EYA4: variants seen among roughly 807,000 people sequenced by gnomAD.
EYA4 encodes EYA transcriptional coactivator and phosphatase 4, also known as protein phosphatase EYA4.
Under a neutral mutation model 87.9 loss-of-function variants are expected in EYA4, and 31 were observed. That is an observed-to-expected ratio of 0.35 (90% CI 0.27 to 0.48). The LOEUF (loss-of-function observed/expected upper bound fraction) is 0.48, where lower values mean the gene tolerates loss of function less well. Ranked by LOEUF, EYA4 falls within the 20% of genes least tolerant of loss-of-function variation. The pLI is 0.99. For missense variants in EYA4, 678 were observed against 761.4 expected (o/e 0.89, Z 1.29); for synonymous variants, 263 against 270.6 (o/e 0.97, Z 0.28).
At chr6:133,382,307 G>T in intron 2 of EYA4, 85 bp from the exon 3 acceptor site, 1 of 931,310 alleles carries the variant, frequency 1.1e-6, no homozygotes, top group South Asian at 1.3e-5. Flanking sequence ...TTGGTGAACA[G>T]AGCTATATCC....
chr6:133,512,742 G>A lies in EYA4; in HGVS notation c.1303G>A (p.Asp435Asn). The A allele has an allele frequency of 4.3e-6, 7 of 1,612,828 alleles. No individual in the cohort carries two copies. The highest frequency in any genetic ancestry group is 5.1e-6 in the Non-Finnish European group (6 of 1,178,804). ...ACAGGAGTGTGATCAAGTTCATATA[G>A]ATGATGTTTCCTCTGATGATAATGG... is the stretch of plus-strand genomic sequence containing the variant. The part of the protein sequence containing the change: ...DLEECDQVHI[D>N]DVSSDDNGQD... The change falls in exon 15 of 20, where the codon GAT becomes AAT. Residue 435 changes from aspartate to asparagine, a missense_variant. Physicochemically the swap from Asp to Asn is conservative, Grantham distance 23. Transcript: ENST00000355286.
chr6:133,248,153 T>G (rs1040498813), intron 1 of EYA4: 4 of 152,202 alleles, frequency 2.6e-5, no homozygotes, highest in Non-Finnish European at 5.9e-5. Flanking sequence ...GTTGACTTTA[T>G]TAATTAGAAC....
At chr6:133,373,799 T>C (rs1464082426) in intron 2 of EYA4, among the ~76,000 whole-genome samples, 2 of 152,068 alleles carry the variant, frequency 1.3e-5, no homozygotes, top group East Asian at 3.8e-4. Context: ...AAAAATTCTT[T>C]TAGCGCTTAT....
At chr6:133,328,185 G>A (rs1168721337) in intron 2 of EYA4, among the ~76,000 whole-genome samples, 1 of 152,100 alleles carries the variant, frequency 6.6e-6, no homozygotes, top group Non-Finnish European at 1.5e-5. Flanking sequence ...AAATAGTTCA[G>A]TGAAGAATCA....
At chr6:133,525,971 C>A in intron 19 of EYA4, 1 of 968,704 alleles carries the variant, frequency 1.0e-6, no homozygotes, top group Non-Finnish European at 1.2e-6. Context: ...TGAAGCCAAG[C>A]AGCTGGCTTT....
chr6:133,307,142 A>T (rs1779870095), intron 2 of EYA4, among the ~76,000 whole-genome samples: 1 of 152,344 alleles, frequency 6.6e-6, no homozygotes, highest in Middle Eastern at 3.4e-3. Flanking sequence ...GGCGAGTTTC[A>T]TTAGGAGCCT....
At chr6:133,479,598 TAAA>T (rs1435529745) in intron 11 of EYA4, among the ~76,000 whole-genome samples, 1 of 152,170 alleles carries the variant, frequency 6.6e-6, no homozygotes, top group African/African-American at 2.4e-5. Context: ...AATTTAATGA[TAAA>T]AAATAATAGC....
At chr6:133,415,985 A>G (rs949737170) in intron 3 of EYA4, among the ~76,000 whole-genome samples, 1 of 152,230 alleles carries the variant, frequency 6.6e-6, no homozygotes, top group African/African-American at 2.4e-5. Flanking sequence ...TCCCTTAAGG[A>G]TAAGTTGGAG....
chr6:133,422,857 G>T (rs1268653825), intron 3 of EYA4, among the ~76,000 whole-genome samples: 1 of 152,136 alleles, frequency 6.6e-6, no homozygotes, highest in Non-Finnish European at 1.5e-5. Flanking sequence ...TGACTTGGCT[G>T]GCCCTGTAAG....
Position 133,529,438 on chromosome 6 carries a change from G to C in EYA4, c.*633G>C. The C allele has an allele frequency of 1.0e-6, 1 of 988,924 alleles. No individual in the cohort carries two copies. Among genetic ancestry groups the C allele is most frequent in the Non-Finnish European group, 1.2e-6 (1 of 832,138 alleles). The allele number at this position is 988,924 out of a possible 1,614,324, so 61.3% of individuals were successfully genotyped here. ...CTTTTTTAAGTTTGGCAAACAGAAT[G>C]TTCATACTGATGTGTTGTGCCTTAA... On this transcript the variant is annotated 3_prime_UTR_variant, in exon 20 of 20. Coordinates refer to ENST00000355286, the MANE Select transcript of EYA4 (RefSeq NM_004100.5).
intron 10 of EYA4, among the ~76,000 whole-genome samples, chr6:133,466,012 C>T (rs1466466513): frequency 2.6e-5 from 4 of 151,908 alleles, no homozygotes; most frequent in Admixed American, 2.0e-4. Flanking sequence ...TTTATTGGTC[C>T]AGCAAGCATT....
chr6:133,329,547 A>G (rs533954062), intron 2 of EYA4, among the ~76,000 whole-genome samples: 1 of 152,272 alleles, frequency 6.6e-6, no homozygotes, highest in East Asian at 1.9e-4. Flanking sequence ...AGTTAATACA[A>G]AAATCTCAGA....
chr6:133,506,374 T>A, intron 14 of EYA4, 179 bp downstream of exon 14: 1 of 533,748 alleles, frequency 1.9e-6, no homozygotes, highest in Admixed American at 3.1e-5. Context: ...TAATTTGTGT[T>A]CATGAATAAT....
intron 2 of EYA4, among the ~76,000 whole-genome samples, chr6:133,321,999 C>T (rs1055827333): frequency 6.6e-6 from 1 of 152,218 alleles, no homozygotes; most frequent in Non-Finnish European, 1.5e-5. Context: ...ATATCAGTTA[C>T]AGCCCTATGA....
chr6:133,372,220 G>GTA (rs1339748497), intron 2 of EYA4, among the ~76,000 whole-genome samples: 1 of 152,046 alleles, frequency 6.6e-6, no homozygotes, highest in African/African-American at 2.4e-5. Context: ...TCACATGCTT[G>GTA]TATGTGTGAA....
At chr6:133,447,689 C>G (rs1266386371) in intron 4 of EYA4, among the ~76,000 whole-genome samples, 1 of 152,078 alleles carries the variant, frequency 6.6e-6, no homozygotes, top group Non-Finnish European at 1.5e-5. Context: ...TGCATTGCAA[C>G]TTACCTGTAT....
intron 2 of EYA4, among the ~76,000 whole-genome samples, chr6:133,313,685 A>G (rs759714121): frequency 1.0e-3 from 158 of 152,202 alleles, no homozygotes; most frequent in Non-Finnish European, 1.5e-3. Flanking sequence ...GCTGTAAAAT[A>G]TATTTTATAA....
chr6:133,457,089 A>C (rs1378125578), intron 6 of EYA4, among the ~76,000 whole-genome samples: 1 of 151,488 alleles, frequency 6.6e-6, no homozygotes, highest in African/African-American at 2.4e-5. Flanking sequence ...GGTTTAAAAA[A>C]CTCCTCCTGT....
chr6:133,488,168 G>A (rs1408391767), intron 13 of EYA4, among the ~76,000 whole-genome samples: 2 of 152,268 alleles, frequency 1.3e-5, no homozygotes, highest in South Asian at 2.1e-4. Flanking sequence ...GAAAGGGTAG[G>A]GAAAAGTGGG....
Sources: allele counts gnomAD v4.1 joint callset (sites outside exome capture counted in the v4.1 genomes callset), GRCh38; gene constraint gnomAD v4.1.1; transcripts MANE v1.5; gene names NCBI Gene and HGNC (gene_info 2026-07-23, HGNC 2026-07-21).